RANBP17: variants seen among roughly 807,000 people sequenced by gnomAD.
RANBP17 encodes the protein RAN binding protein 17.
In RANBP17, 158 loss-of-function variants were observed where a neutral mutation model predicts 141.2. The ratio of observed to expected loss-of-function variants is 1.12; its 90% CI spans 0.98 to 1.28. The LOEUF (loss-of-function observed/expected upper bound fraction) is 1.28, where lower values mean the gene tolerates loss of function less well. RANBP17 is among the 50% of genes most tolerant of loss of function. The pLI is 0.00. For synonymous variants in RANBP17, 430 were observed against 450.0 expected, an observed-to-expected ratio of 0.96 and a Z score of 0.56; for missense variants, 1,438 against 1,290.7, an observed-to-expected ratio of 1.11 and a Z score of -1.75.
chr5:171,048,988 G>A (rs891887865), intron 14 of RANBP17, among the ~76,000 whole-genome samples: 5 of 152,116 alleles, frequency 3.3e-5, no homozygotes, highest in East Asian at 3.9e-4. Context: ...TCCTTTGGGT[G>A]TGTATCCAAT....
intron 14 of RANBP17, among the ~76,000 whole-genome samples, chr5:170,985,586 T>C (rs1778090451): frequency 6.6e-6 from 1 of 152,196 alleles, no homozygotes; most frequent in Non-Finnish European, 1.5e-5. Context: ...GTGAAATCCC[T>C]TGTATCTCTT....
intron 25 of RANBP17, among the ~76,000 whole-genome samples, chr5:171,273,581 A>G (rs138966782): frequency 6.6e-6 from 1 of 152,218 alleles, no homozygotes; most frequent in Non-Finnish European, 1.5e-5. Flanking sequence ...CCCTTGAAAA[A>G]CAGCCAGAAA....
intron 14 of RANBP17, among the ~76,000 whole-genome samples, chr5:171,167,399 A>G (rs1759779725): frequency 6.6e-6 from 1 of 152,240 alleles, no homozygotes; most frequent in African/African-American, 2.4e-5. Context: ...ATTTGATTTT[A>G]CGAAAGTCCA....
At chr5:170,901,691 C>T (rs750805993) in intron 5 of RANBP17, among the ~76,000 whole-genome samples, 36 of 152,172 alleles carry the variant, frequency 2.4e-4, no homozygotes, top group Non-Finnish European at 5.0e-4. Flanking sequence ...GTGCTTCCTT[C>T]AGGAGCTCTT....
chr5:170,888,940 G>T lies in RANBP17; in HGVS notation c.257-3447G>T, dbSNP rs145638546. ...TCAACATCAATGGATGTTGAATTTTGTCAAATACTTTTTCTGCATCTATTT... is the reference window on the plus strand; with the variant it reads ...TCAACATCAATGGATGTTGAATTTTTTCAAATACTTTTTCTGCATCTATTT... On this transcript the variant is annotated intron_variant, in intron 3 of 27. Coordinates refer to ENST00000523189, the MANE Select transcript of RANBP17 (RefSeq NM_022897.5). Among the ~76,000 whole-genome samples, 474 of 151,976 alleles carry T rather than the reference G, an allele frequency of 3.1e-3. 2 individuals carry two copies. Among genetic ancestry groups the T allele is most frequent in the African/African-American group, 0.011 (454 of 41,486 alleles).
intron 7 of RANBP17, 75 bp downstream of exon 7, chr5:170,911,209 A>G: frequency 7.4e-7 from 1 of 1,346,616 alleles, no homozygotes; most frequent in South Asian, 1.3e-5. Flanking sequence ...CTGTATGTAT[A>G]GTTATCTTTT....
intron 14 of RANBP17, among the ~76,000 whole-genome samples, chr5:171,169,903 T>G (rs1003158180): frequency 3.3e-5 from 5 of 151,932 alleles, no homozygotes; most frequent in Non-Finnish European, 5.9e-5. Context: ...TGAGTGTGTT[T>G]GTGTGTAAGC....
intron 14 of RANBP17, among the ~76,000 whole-genome samples, chr5:171,056,409 A>T (rs973778500): frequency 6.6e-6 from 1 of 152,206 alleles, no homozygotes; most frequent in Non-Finnish European, 1.5e-5. Context: ...AGTCAAAAAC[A>T]TGATTGACAA....
At chr5:171,167,221 G>C (rs1357476664) in intron 14 of RANBP17, among the ~76,000 whole-genome samples, 1 of 152,094 alleles carries the variant, frequency 6.6e-6, no homozygotes, top group Non-Finnish European at 1.5e-5. Flanking sequence ...GGACACGGTA[G>C]GAAAACTTCC....
chr5:171,210,228 G>T (rs974681985), intron 20 of RANBP17, among the ~76,000 whole-genome samples: 2 of 152,048 alleles, frequency 1.3e-5, no homozygotes, highest in Non-Finnish European at 2.9e-5. Context: ...CCTAGAGTGG[G>T]TTCTGGTTCT....
intron 24 of RANBP17, among the ~76,000 whole-genome samples, chr5:171,243,919 C>CA (rs1027739251): frequency 3.4e-4 from 51 of 150,140 alleles, no homozygotes; most frequent in African/African-American, 1.1e-3. Flanking sequence ...ATTAAAAATA[C>CA]AAAAAAAAAT....
chr5:170,903,585 G>T, intron 5 of RANBP17: 1 of 243,428 alleles, frequency 4.1e-6, no homozygotes, highest in South Asian at 7.4e-5. Flanking sequence ...GTAGATTTAT[G>T]ACCTCCATTT....
chr5:170,955,090 G>C (rs1049290527), intron 13 of RANBP17, among the ~76,000 whole-genome samples: 16 of 152,072 alleles, frequency 1.1e-4, no homozygotes, highest in African/African-American at 3.6e-4. Flanking sequence ...AGGTGGAACA[G>C]TTTCATCCTG....
In RANBP17 at chr5:171,103,783, G is replaced by A. The variant is rs559221020; in HGVS notation, c.1711-66347G>A. Among the ~76,000 whole-genome samples, 223 of 152,262 alleles carry A rather than the reference G, an allele frequency of 1.5e-3. 2 individuals carry two copies. The highest frequency in any genetic ancestry group is 1.5e-3 in the South Asian group (7 of 4,814). ...TGTGGGTTGCAAAGACTGGAAAATC[G>A]TAGTATCTGGGCTGGAGTGCACCGT... is the stretch of plus-strand genomic sequence containing the variant. On this transcript the variant is annotated intron_variant, in intron 14 of 27. Coordinates refer to ENST00000523189, the MANE Select transcript of RANBP17 (RefSeq NM_022897.5).
intron 20 of RANBP17, among the ~76,000 whole-genome samples, chr5:171,208,129 T>C (rs915856505): frequency 5.9e-5 from 9 of 152,234 alleles, no homozygotes; most frequent in African/African-American, 2.2e-4. Context: ...ATCCTTAGCA[T>C]GCAGAAGAAA....
rs1195823087 is a variant in RANBP17, at chr5:170,976,787, G to T, written c.1710+8410G>T. Among the ~76,000 whole-genome samples, 3 of 152,098 alleles carry T rather than the reference G, an allele frequency of 2.0e-5. No individual in the cohort carries two copies. In the East Asian group the frequency reaches 5.8e-4, roughly 29 times the overall value. ...GGAAGAATAGTTTTCAACAAATGAT[G>T]CTGGTACAACTGGATATTCACATTC... On this transcript the variant is annotated intron_variant, in intron 14 of 27. Transcript: ENST00000523189.
At chr5:171,229,961 A>G (rs936092500) in intron 22 of RANBP17, among the ~76,000 whole-genome samples, 1 of 151,732 alleles carries the variant, frequency 6.6e-6, no homozygotes, top group African/African-American at 2.4e-5. Flanking sequence ...GCTACTCAGG[A>G]GGCTGAGGCA....
intron 14 of RANBP17, among the ~76,000 whole-genome samples, chr5:171,046,846 A>G (rs916588729): frequency 6.6e-6 from 1 of 152,150 alleles, no homozygotes; most frequent in Admixed American, 6.5e-5. Flanking sequence ...ACTCTAATTT[A>G]TATTTCATTA....
At chr5:171,064,044 G>A (rs950270705) in intron 14 of RANBP17, among the ~76,000 whole-genome samples, 1 of 152,242 alleles carries the variant, frequency 6.6e-6, no homozygotes, top group African/African-American at 2.4e-5. Context: ...GGAGTGACCC[G>A]ATTTTCCAGG....
Sources: gnomAD v4.1 joint callset for allele counts (sites outside exome capture counted in the v4.1 genomes callset) on GRCh38, gnomAD v4.1.1 for gene constraint, MANE v1.5 for transcripts, NCBI Gene and HGNC (gene_info 2026-07-23, HGNC 2026-07-21) for gene names.